Variants in HOXA3 observed in about 807,000 individuals in gnomAD.
HOXA3 encodes homeobox protein Hox-A3.
A neutral mutation model predicts 30.3 loss-of-function variants in HOXA3; 8 were observed. The ratio of observed to expected loss-of-function variants is 0.26; its 90% CI spans 0.15 to 0.48. HOXA3 has a LOEUF of 0.48. Among genes scored for constraint, HOXA3 ranks in the 20% least tolerant of loss-of-function variants. HOXA3 has a pLI of 0.99. For synonymous variants in HOXA3, 323 were observed against 273.1 expected (o/e 1.18, Z -1.80); for missense variants, 653 against 614.4 (o/e 1.06, Z -0.66).
At position 27,110,758 on chromosome 7, in the gene HOXA3, G is replaced by T; in HGVS notation, c.-118C>A. ...CCGCCGCCAATGGCCGCCCCGCGCA[G>T]ACCTGGTGGGGCGAGAAGCGCAGCG... is the stretch of plus-strand genomic sequence containing the variant. On this transcript the variant is annotated splice_region_variant and 5_prime_UTR_variant, in exon 5 of 6. It adds an upstream start codon to the 5' untranslated region. Coordinates refer to ENST00000612286, the MANE Select transcript of HOXA3 (RefSeq NM_153631.3). 1 of 1,511,158 alleles carries T rather than the reference G, an allele frequency of 6.6e-7. No individual in the cohort carries two copies. The highest frequency in any genetic ancestry group is 9.0e-7 in the Non-Finnish European group (1 of 1,111,352). The allele number at this position is 1,511,158 out of a possible 1,614,324, so 93.6% of individuals were successfully genotyped here.
chr7:27,147,814 A>G, intron 1 of HOXA3: 1 of 1,406,810 alleles, frequency 7.1e-7, no homozygotes, highest in Non-Finnish European at 9.6e-7. Flanking sequence ...AACTATTAGT[A>G]GTCATCGAAC....
At chr7:27,129,289 T>TG in intron 2 of HOXA3, 1 of 1,613,896 alleles carries the variant, frequency 6.2e-7, no homozygotes, top group Non-Finnish European at 8.5e-7. Flanking sequence ...GTGTGGGCTC[T>TG]GAGTTTGTGC....
intron 2 of HOXA3, 52 bp downstream of exon 2, chr7:27,140,031 G>GAGAGAGAGAGAGAGAGAC (rs1303752230): frequency 1.4e-4 from 19 of 135,664 alleles, no homozygotes; most frequent in Non-Finnish European, 2.6e-4. Context: ...GAGAGAGAGA[G>GAGAGAGAGAGAGAGAGAC]AAAGTTTCCA....
chr7:27,146,065 C>T (rs1782751671), intron 1 of HOXA3: 2 of 908,596 alleles, frequency 2.2e-6, no homozygotes, highest in South Asian at 1.7e-5. Flanking sequence ...CCAAAGCATA[C>T]TGAATGGGAG....
intron 1 of HOXA3, chr7:27,145,763 G>A (rs773221274): frequency 6.2e-7 from 1 of 1,614,250 alleles, no homozygotes; most frequent in Non-Finnish European, 8.5e-7. Context: ...ACCAGATCTT[G>A]ATCTGGCGCT....
chr7:27,130,537 C>T (rs1371991667), intron 2 of HOXA3: 1 of 1,365,858 alleles, frequency 7.3e-7, no homozygotes, highest in Non-Finnish European at 9.5e-7. Flanking sequence ...GGGCTCTCGG[C>T]CGCCGCCCGC....
chr7:27,135,656 GAC>G (rs1233305036), intron 2 of HOXA3, among the ~76,000 whole-genome samples: 1 of 152,154 alleles, frequency 6.6e-6, no homozygotes. Context: ...GTACTAAAAA[GAC>G]AAAAAACCGG....
At chr7:27,145,940 G>C in intron 1 of HOXA3, 1 of 1,603,828 alleles carries the variant, frequency 6.2e-7, no homozygotes, top group Non-Finnish European at 8.5e-7. Flanking sequence ...ACGGCCGGGC[G>C]CCGGTAAGCC....
intron 1 of HOXA3, chr7:27,147,793 C>T (rs1294716892): frequency 2.0e-6 from 3 of 1,524,520 alleles, no homozygotes; most frequent in East Asian, 2.3e-5. Context: ...TGTATTAGTA[C>T]ATCTGGCTAT....
rs1214401950 is a variant in HOXA3 at position 27,108,495 on chromosome 7, T to C, written c.752A>G (p.Lys251Arg). Reference protein sequence around the residue: ...NRRMKYKKDQKGKGMLTSSGG... With the variant: ...NRRMKYKKDQRGKGMLTSSGG... ...CGATGACGTTAGCATGCCCTTGCCC[T>C]TCTGATCCTTTTTGTACTTCATGCG... Residue 251 changes from lysine to arginine, a missense_variant, in exon 6 of 6, where the codon AAG (lysine) becomes AGG (arginine). Lys to Arg is a conservative substitution (Grantham distance 26, BLOSUM62 2). Transcript: ENST00000612286. This position sits in a 1 kb window ranked among gnomAD's most constrained non-coding sequence, Gnocchi z 5.0. The C allele has an allele frequency of 6.2e-7, 1 of 1,613,966 alleles. No homozygotes were observed. Among genetic ancestry groups the C allele is most frequent in the Non-Finnish European group, 8.5e-7 (1 of 1,179,996 alleles).
chr7:27,132,963 C>T (rs1785605898), intron 2 of HOXA3, among the ~76,000 whole-genome samples: 1 of 152,074 alleles, frequency 6.6e-6, no homozygotes. Context: ...AACCTTGTAC[C>T]AAGTTTCTAT....
At chr7:27,119,838 T>G (rs56264918) in intron 4 of HOXA3, among the ~76,000 whole-genome samples, 29 of 152,326 alleles carry the variant, frequency 1.9e-4, no homozygotes, top group Middle Eastern at 3.4e-3. Context: ...AAGCAAGTCC[T>G]GGCCTAAGCT....
chr7:27,123,614 C>T (rs17437251), intron 3 of HOXA3: 4,601 of 152,458 alleles, frequency 0.03, 96 homozygotes, highest in Non-Finnish European at 0.046. Context: ...ATCCCTGCCC[C>T]GACTACCCCT....
At chr7:27,149,354 AC>A (rs1782889559) in intron 1 of HOXA3, among the ~76,000 whole-genome samples, 1 of 152,164 alleles carries the variant, frequency 6.6e-6, no homozygotes, top group African/African-American at 2.4e-5. Flanking sequence ...GATCTGTAAA[AC>A]CCTGGCCAAT....
chr7:27,130,104 G>A (rs777420229), intron 2 of HOXA3: 2 of 1,590,110 alleles, frequency 1.3e-6, no homozygotes, highest in South Asian at 1.1e-5. Context: ...CGCCTCCCAA[G>A]CGGCGCCACG....
rs554685880 is a variant in HOXA3, at chr7:27,142,746, T to A, written c.-493-2560A>T. On this transcript the variant is annotated intron_variant, in intron 1 of 5. Transcript: ENST00000612286. ...TCTACCTCTCTGCGCCTTGCTCGGCTGGCCTGACCCGGGAGCGCGTCCCAA... is the reference window on the plus strand; with the variant it reads ...TCTACCTCTCTGCGCCTTGCTCGGCAGGCCTGACCCGGGAGCGCGTCCCAA... The A allele has an allele frequency of 5.4e-4, 214 of 393,624 alleles. 1 individual carries two copies. Among genetic ancestry groups the A allele is most frequent in the Admixed American group, 3.6e-3 (81 of 22,474 alleles). The allele number at this position is 393,624 out of a possible 1,614,324, so 24.4% of individuals were successfully genotyped here. A position where few individuals can be genotyped will look rare whatever the true frequency, so the allele number is the denominator to read the frequency against.
chr7:27,110,142 TTG>T lies in HOXA3; in HGVS notation c.497_498del (p.Thr166LysfsTer66). ...FPWMKESRQN[T>X]KQKTSSSSSG... ...GAGCTGGAGCTGCTGGTTTTCTGCT[TTG>T]TGTTTTGTCGAGACTCTTTCATCCA... On this transcript the variant is annotated frameshift_variant, in exon 5 of 6. Transcript: ENST00000612286. LOFTEE classifies it high-confidence loss of function. 6.2e-7 allele frequency: 1 copy of T among 1,614,092 alleles called. No homozygotes were observed. Among genetic ancestry groups the T allele is most frequent in the Non-Finnish European group, 8.5e-7 (1 of 1,180,004 alleles).
chr7:27,143,425 G>A (rs752758628), intron 1 of HOXA3: 3 of 1,612,588 alleles, frequency 1.9e-6, no homozygotes, highest in South Asian at 2.2e-5. Context: ...CAAAGTGGCC[G>A]GAGCCCGAGC....
intron 1 of HOXA3, chr7:27,141,824 C>A (rs544222737): frequency 1.2e-6 from 2 of 1,613,018 alleles, no homozygotes; most frequent in Non-Finnish European, 1.7e-6. Context: ...GTACTTTAAA[C>A]GCTCAGATAC....
Sources: gnomAD v4.1 joint callset for allele counts (sites outside exome capture counted in the v4.1 genomes callset) on GRCh38, gnomAD v4.1.1 for gene constraint, Gnocchi (gnomAD v3.1) non-coding constraint, MANE v1.5 for transcripts, NCBI Gene and HGNC (gene_info 2026-07-23, HGNC 2026-07-21) for gene names.